ZBTB46: variants seen among roughly 807,000 people sequenced by gnomAD.
ZBTB46 encodes zinc finger and BTB domain containing 46, also known as zinc finger and BTB domain-containing protein 46.
ZBTB46 carries 8 observed loss-of-function variants against 44.1 expected under a neutral mutation model. The observed-to-expected ratio is 0.18, with a 90% CI of 0.11 to 0.33. The LOEUF is 0.33. Ranked by LOEUF, ZBTB46 falls within the 10% of genes least tolerant of loss-of-function variation. The pLI, the probability that ZBTB46 is intolerant of heterozygous loss-of-function variation, is 1.00. For missense variants in ZBTB46, 651 were observed against 847.7 expected, an observed-to-expected ratio of 0.77 and a Z score of 2.88; for synonymous variants, 409 against 382.3, an observed-to-expected ratio of 1.07 and a Z score of -0.81.
chr20:63,745,244 C>T lies in ZBTB46; in HGVS notation c.*1686G>A, dbSNP rs1007097215. The T allele has an allele frequency of 1.3e-5, 2 of 152,282 alleles. No individual in the cohort carries two copies. The highest frequency in any genetic ancestry group is 4.8e-5 in the African/African-American group (2 of 41,468). 9.4% of individuals were successfully genotyped at this position (152,282 alleles called of 1,614,324 possible). Reference sequence around the variant, plus strand: ...TGCAGAAAAATCTTGGCCTCTTTCTCCAGCTTTGAGGAGCCCACAGCCTCC... The same window carrying T: ...TGCAGAAAAATCTTGGCCTCTTTCTTCAGCTTTGAGGAGCCCACAGCCTCC... On this transcript the variant is annotated 3_prime_UTR_variant, in exon 5 of 5. Coordinates refer to ENST00000245663, the MANE Select transcript of ZBTB46 (RefSeq NM_001369741.1).
intron 2 of ZBTB46, among the ~76,000 whole-genome samples, chr20:63,785,904 C>CA (rs2092510676): frequency 2.6e-5 from 4 of 152,214 alleles, no homozygotes; most frequent in Admixed American, 2.6e-4. Flanking sequence ...AGTACACAGC[C>CA]AAAATCACTT....
chr20:63,783,959 G>C (rs551781162), intron 2 of ZBTB46, among the ~76,000 whole-genome samples: 13 of 152,280 alleles, frequency 8.5e-5, no homozygotes, highest in South Asian at 4.1e-4. Flanking sequence ...ACATTCCGTC[G>C]GGCACCAGGA....
chr20:63,802,296 G>A (rs554821477), intron 1 of ZBTB46, among the ~76,000 whole-genome samples: 253 of 152,068 alleles, frequency 1.7e-3, no homozygotes, highest in African/African-American at 5.6e-3. Context: ...GGTGGCGCAC[G>A]TCTGTAATCC....
chr20:63,781,724 A>G (rs374099913), intron 2 of ZBTB46, among the ~76,000 whole-genome samples: 1 of 151,272 alleles, frequency 6.6e-6, no homozygotes, highest in Admixed American at 6.6e-5. Flanking sequence ...CCTAGGAGGC[A>G]GAGGTTGTAG....
chr20:63,762,611 G>A (rs1291393744), intron 3 of ZBTB46, among the ~76,000 whole-genome samples: 1 of 151,676 alleles, frequency 6.6e-6, no homozygotes, highest in African/African-American at 2.4e-5. Context: ...CCGAGATCGC[G>A]CCACTGCACT....
intron 1 of ZBTB46, among the ~76,000 whole-genome samples, chr20:63,801,908 C>G (rs574806603): frequency 7.9e-5 from 12 of 152,278 alleles, no homozygotes; most frequent in African/African-American, 2.2e-4. Context: ...TAAACAAGTG[C>G]TGTTTGCTGC....
At chr20:63,807,653 C>T (rs2092689994) in intron 1 of ZBTB46, among the ~76,000 whole-genome samples, 1 of 152,236 alleles carries the variant, frequency 6.6e-6, no homozygotes, top group African/African-American at 2.4e-5. Context: ...CCTTCAGCTA[C>T]TCCATTTTTT....
intron 1 of ZBTB46, among the ~76,000 whole-genome samples, chr20:63,806,602 T>C (rs1410914960): frequency 6.6e-6 from 1 of 152,080 alleles, no homozygotes; most frequent in Non-Finnish European, 1.5e-5. Context: ...TCTCAAGGAA[T>C]ATGATGGAAT....
chr20:63,785,276 T>C (rs2092505587), intron 2 of ZBTB46, among the ~76,000 whole-genome samples: 1 of 149,772 alleles, frequency 6.7e-6, no homozygotes, highest in African/African-American at 2.5e-5. Flanking sequence ...AAAGGGACTT[T>C]GTGGCCCGGC....
At position 63,744,067 on chromosome 20, in the gene ZBTB46, T is replaced by C. The variant is rs140673508; in HGVS notation, c.*2863A>G. ...AGAAAAGCACACACAGCACCCTCAC[T>C]ACAAGTAGTTCTAAAAGGGCTGCAT... On this transcript the variant is annotated 3_prime_UTR_variant, in exon 5 of 5. Coordinates refer to ENST00000245663, the MANE Select transcript of ZBTB46 (RefSeq NM_001369741.1). 91 of 152,514 alleles carry C rather than the reference T, an allele frequency of 6.0e-4. No individual in the cohort carries two copies. Among genetic ancestry groups the C allele is most frequent in the African/African-American group, 2.0e-3 (85 of 41,532 alleles). The allele number at this position is 152,514 out of a possible 1,614,324, so 9.4% of individuals were successfully genotyped here.
chr20:63,790,047 C>A lies in ZBTB46; in HGVS notation c.711G>T (p.Gln237His). 2 of 1,614,086 alleles carry A rather than the reference C, an allele frequency of 1.2e-6. No individual in the cohort carries two copies. The highest frequency in any genetic ancestry group is 1.1e-5 in the South Asian group (1 of 91,086). ...CAGAAGGCAGCTCGCTCCCTCCGTA[C>A]TGAGACGGTGAAACCTGCTCTTCCT... ...RIKEEQVSPS[Q>H]YGGSELPSAK... Residue 237 changes from glutamine (Q) to histidine (H), a missense_variant, in exon 2 of 5, where the codon CAG (glutamine) becomes CAT (histidine). Gln to His is a conservative substitution (Grantham distance 24). This residue lies in a region of ZBTB46 where 385 missense variants were observed against 423.3 expected (regional missense o/e 0.91). Coordinates refer to ENST00000245663, the MANE Select transcript of ZBTB46 (RefSeq NM_001369741.1).
chr20:63,804,007 T>C (rs2092665954), intron 1 of ZBTB46, among the ~76,000 whole-genome samples: 1 of 152,148 alleles, frequency 6.6e-6, no homozygotes, highest in South Asian at 2.1e-4. Context: ...ATAACGTCAC[T>C]TCCTTCTGTC....
At chr20:63,768,796 T>A (rs1601424036) in intron 3 of ZBTB46, among the ~76,000 whole-genome samples, 1 of 151,868 alleles carries the variant, frequency 6.6e-6, no homozygotes, top group South Asian at 2.1e-4. Flanking sequence ...CAGGGCTCTG[T>A]GAGGCTCGGA....
At position 63,744,849 on chromosome 20, in the gene ZBTB46, C is replaced by T. The variant is rs1390618482; in HGVS notation, c.*2081G>A. 2 of 152,476 alleles carry T rather than the reference C, an allele frequency of 1.3e-5. No individual in the cohort carries two copies. The highest frequency in any genetic ancestry group is 2.9e-5 in the Non-Finnish European group (2 of 68,100). 9.4% of individuals were successfully genotyped at this position (152,476 alleles called of 1,614,324 possible). A position where few individuals can be genotyped will look rare whatever the true frequency, so the allele number is the denominator to read the frequency against. ...AGCCGGCCAGATGGAGCAGGACATC[C>T]TGAGTGTGGAGGGGGAGGCGGGCCT... On this transcript the variant is annotated 3_prime_UTR_variant, in exon 5 of 5. Coordinates refer to ENST00000245663, the MANE Select transcript of ZBTB46 (RefSeq NM_001369741.1).
At chr20:63,808,533 G>A (rs2092697081) in intron 1 of ZBTB46, among the ~76,000 whole-genome samples, 1 of 152,230 alleles carries the variant, frequency 6.6e-6, no homozygotes, top group South Asian at 2.1e-4. Context: ...CTGGGCTCCG[G>A]GGCAGTGTGA....
intron 1 of ZBTB46, among the ~76,000 whole-genome samples, chr20:63,822,337 C>T (rs1395194765): frequency 1.3e-5 from 2 of 152,276 alleles, no homozygotes; most frequent in Non-Finnish European, 2.9e-5. Flanking sequence ...ATGGGGGAGA[C>T]GGGCACTTTT....
At chr20:63,747,351 G>C in intron 4 of ZBTB46, 50 bp from the exon 5 acceptor site, 3 of 1,336,666 alleles carry the variant, frequency 2.2e-6, no homozygotes, top group East Asian at 3.0e-5. Context: ...TTGGGGGGCG[G>C]GGCAGGGGGT....
intron 3 of ZBTB46, among the ~76,000 whole-genome samples, chr20:63,762,351 T>C (rs1263044998): frequency 6.6e-6 from 1 of 150,724 alleles, no homozygotes; most frequent in South Asian, 2.1e-4. Flanking sequence ...TTTTACCTCA[T>C]GTATTTTAAA....
At chr20:63,823,858 TTGTGTGTGTG>T (rs11474683) in intron 1 of ZBTB46, among the ~76,000 whole-genome samples, 3 of 144,718 alleles carry the variant, frequency 2.1e-5, no homozygotes, top group Admixed American at 7.0e-5. Flanking sequence ...TCTAGGAACC[TTGTGTGTGTG>T]TGTGTGTGTG....
Sources: allele counts gnomAD v4.1 joint callset (sites outside exome capture counted in the v4.1 genomes callset), GRCh38; gene constraint gnomAD v4.1.1; regional missense constraint gnomAD v4.1.1; transcripts MANE v1.5; gene names NCBI Gene and HGNC (gene_info 2026-07-23, HGNC 2026-07-21).